The following TRIP12 variants were observed in gnomAD, a reference collection of about 807,000 sequenced individuals.
TRIP12 encodes the protein E3 ubiquitin-protein ligase TRIP12.
TRIP12 carries 25 observed loss-of-function variants against 244.2 expected under a neutral mutation model. The observed-to-expected ratio is 0.10, with a 90% CI of 0.07 to 0.14. The LOEUF is 0.14. Among genes scored for constraint, TRIP12 ranks in the 10% least tolerant of loss-of-function variants. The pLI is 1.00. For missense variants in TRIP12, 1,677 were observed against 2,486.4 expected (o/e 0.67, Z 6.92); for synonymous variants, 905 against 873.1 (o/e 1.04, Z -0.64).
intron 2 of TRIP12, among the ~76,000 whole-genome samples, chr2:229,877,566 A>G (rs1054441868): frequency 3.3e-5 from 5 of 152,236 alleles, no homozygotes; most frequent in Middle Eastern, 3.2e-3. Flanking sequence ...TTTAATCTAC[A>G]TAACACTGAT....
chr2:229,852,811 G>A (rs190954758), intron 4 of TRIP12, among the ~76,000 whole-genome samples: 1 of 152,308 alleles, frequency 6.6e-6, no homozygotes, highest in Admixed American at 6.5e-5. Context: ...TGACTAAGCA[G>A]CACAATAACA....
intron 1 of TRIP12, among the ~76,000 whole-genome samples, chr2:229,903,845 A>G (rs1415328194): frequency 6.8e-6 from 1 of 146,256 alleles, no homozygotes; most frequent in Admixed American, 7.0e-5. Flanking sequence ...GTGAAACCCC[A>G]TGTTGTCTCT....
chr2:229,798,759 C>T, intron 23 of TRIP12, 116 bp downstream of exon 23: 1 of 1,141,842 alleles, frequency 8.8e-7, no homozygotes, highest in East Asian at 2.4e-5. Context: ...CTTTTAAGAA[C>T]AAATTAAAGT....
chr2:229,790,535 G>C (rs931952129), intron 30 of TRIP12, among the ~76,000 whole-genome samples: 1 of 137,984 alleles, frequency 7.2e-6, no homozygotes, highest in African/African-American at 2.5e-5. Context: ...GCAGGGAGCA[G>C]GGGGAGGGGG....
intron 1 of TRIP12, among the ~76,000 whole-genome samples, chr2:229,907,709 G>A (rs1034310963): frequency 6.6e-6 from 1 of 152,074 alleles, no homozygotes; most frequent in African/African-American, 2.4e-5. Context: ...CAGCTAAGGC[G>A]AGAGGACCAC....
At chr2:229,914,591 CA>C (rs1331164738) in intron 1 of TRIP12, among the ~76,000 whole-genome samples, 1 of 152,162 alleles carries the variant, frequency 6.6e-6, no homozygotes, top group East Asian at 1.9e-4. Flanking sequence ...CAGGGCATCG[CA>C]CATGTTTACC....
rs2031399717 is a variant in TRIP12, at chr2:229,765,222, C to T, written c.*2332G>A. 6.6e-6 allele frequency: 1 copy of T among 152,188 alleles called. No individual in the cohort carries two copies. The highest frequency in any genetic ancestry group is 1.5e-5 in the Non-Finnish European group (1 of 68,018). The allele number at this position is 152,188 out of a possible 1,614,324, so 9.4% of individuals were successfully genotyped here. A position where few individuals can be genotyped will look rare whatever the true frequency, so the allele number is the denominator to read the frequency against. On this transcript the variant is annotated 3_prime_UTR_variant, in exon 42 of 42. Transcript: ENST00000675903. ...CATCTCAGCAAAAAATAAAGGACAACAAAATCTCAGTTGTTACCCAACTAA... is the reference window on the plus strand; with the variant it reads ...CATCTCAGCAAAAAATAAAGGACAATAAAATCTCAGTTGTTACCCAACTAA...
At chr2:229,831,029 C>G in intron 6 of TRIP12, 190 bp from the exon 7 acceptor site, 1 of 687,962 alleles carries the variant, frequency 1.5e-6, no homozygotes, top group Non-Finnish European at 2.7e-6. Flanking sequence ...GAGAGCTCAA[C>G]TATTTTAGTA....
intron 1 of TRIP12, among the ~76,000 whole-genome samples, chr2:229,920,976 T>G (rs1226529939): frequency 6.6e-6 from 1 of 152,192 alleles, no homozygotes; most frequent in Non-Finnish European, 1.5e-5. Flanking sequence ...ATTAATCGCC[T>G]GACTCGCTCT....
chr2:229,878,573 T>C (rs991595220), intron 2 of TRIP12, among the ~76,000 whole-genome samples: 1 of 151,912 alleles, frequency 6.6e-6, no homozygotes, highest in Non-Finnish European at 1.5e-5. Context: ...ACATTTGACA[T>C]TAAAAAAAAA....
At chr2:229,851,850 C>T (rs1341604439) in intron 4 of TRIP12, among the ~76,000 whole-genome samples, 2 of 152,162 alleles carry the variant, frequency 1.3e-5, no homozygotes, top group Non-Finnish European at 2.9e-5. Flanking sequence ...AAACTCCAGA[C>T]GCGCCACCTT....
In TRIP12 at chr2:229,791,245, T is replaced by C. The variant is rs769698792; in HGVS notation, c.4422A>G (p.Lys1474=). The change falls in exon 30 of 42, where the codon AAA becomes AAG. Residue 1474 remains lysine, a synonymous_variant. Coordinates refer to ENST00000675903, the MANE Select transcript of TRIP12 (RefSeq NM_001348323.3). ...IWTKTHTIWY[K]PVREDEESNK... ...TACTTTCTTCATCCTCTCTCACAGGTTTATACCTAAAATGACAAGACAGTA... is the reference window on the plus strand; with the variant it reads ...TACTTTCTTCATCCTCTCTCACAGGCTTATACCTAAAATGACAAGACAGTA... 4.3e-6 allele frequency: 7 copies of C among 1,613,886 alleles called. No individual in the cohort carries two copies. Among genetic ancestry groups the C allele is most frequent in the African/African-American group, 4.0e-5 (3 of 74,922 alleles).
chr2:229,889,207 CTTG>C (rs2066760397), intron 1 of TRIP12, among the ~76,000 whole-genome samples: 1 of 152,170 alleles, frequency 6.6e-6, no homozygotes, highest in Non-Finnish European at 1.5e-5. Flanking sequence ...ACGTGCCTAA[CTTG>C]TTGAATCTGT....
At chr2:229,849,680 T>C (rs185020943) in intron 4 of TRIP12, among the ~76,000 whole-genome samples, 4 of 151,992 alleles carry the variant, frequency 2.6e-5, no homozygotes, top group Middle Eastern at 3.4e-3. Context: ...CTAGGCAACA[T>C]AGTGAGACCT....
chr2:229,833,215 A>C (rs1486748961), intron 6 of TRIP12, among the ~76,000 whole-genome samples: 1 of 152,254 alleles, frequency 6.6e-6, no homozygotes, highest in Non-Finnish European at 1.5e-5. Flanking sequence ...AACCTATAGA[A>C]GAACATAATT....
Position 229,858,825 on chromosome 2 carries a change from G to C in TRIP12, c.974C>G (p.Ser325Cys). 6.2e-7 allele frequency: 1 copy of C among 1,613,204 alleles called. No homozygotes were observed. Among genetic ancestry groups the C allele is most frequent in the Non-Finnish European group, 8.5e-7 (1 of 1,179,290 alleles). ...TCCAGGTTTTGATGTCTCTGACTTA[G>C]AAGACCCTGGAAGAGACAGTTTTGT... The part of the protein sequence containing the change: ...PKTKLSLPGS[S>C]KSETSKPGPS... Residue 325 changes from serine (S) to cysteine (C), a missense_variant, in exon 4 of 42, where the codon TCT (serine) becomes TGT (cysteine). Ser to Cys is a moderately radical substitution (Grantham distance 112, BLOSUM62 -1). Around this residue, in one of 11 missense-constraint regions of TRIP12, gnomAD observed 387 missense variants for 392.6 expected, o/e 0.99. Coordinates refer to ENST00000675903, the MANE Select transcript of TRIP12 (RefSeq NM_001348323.3).
intron 1 of TRIP12, among the ~76,000 whole-genome samples, chr2:229,916,465 G>C (rs1479664591): frequency 1.3e-5 from 2 of 152,158 alleles, no homozygotes; most frequent in African/African-American, 2.4e-5. Flanking sequence ...TGAGGCAGGA[G>C]AATCACTTGA....
upstream of TRIP12, chr2:229,922,041 GCCTC>G (rs1560411252): frequency 6.7e-6 from 1 of 149,598 alleles, no homozygotes; most frequent in Non-Finnish European, 1.5e-5. Flanking sequence ...CGCCCGTGCC[GCCTC>G]CCTCCCCGCC....
chr2:229,800,339 C>T (rs1370469283), intron 21 of TRIP12, among the ~76,000 whole-genome samples: 4 of 151,730 alleles, frequency 2.6e-5, no homozygotes, highest in East Asian at 3.9e-4. Context: ...CCTGTTCTAA[C>T]GACAGTAGAA....
Sources: allele counts gnomAD v4.1 joint callset (sites outside exome capture counted in the v4.1 genomes callset), GRCh38; gene constraint gnomAD v4.1.1; regional missense constraint gnomAD v4.1.1; transcripts MANE v1.5; gene names NCBI Gene and HGNC (gene_info 2026-07-23, HGNC 2026-07-21).